The following ANKRD22 variants were observed in gnomAD, a reference collection of about 807,000 sequenced individuals.
The protein encoded by ANKRD22 is ankyrin repeat domain-containing protein 22.
Under a neutral mutation model 25.7 loss-of-function variants are expected in ANKRD22, and 24 were observed. That is an observed-to-expected ratio of 0.93 (90% confidence interval 0.68 to 1.31). The LOEUF is 1.31. ANKRD22 is among the 50% of genes most tolerant of loss of function. The pLI is 0.00. For synonymous variants in ANKRD22, 84 were observed against 84.3 expected (o/e 1.00, Z 0.02); for missense variants, 214 against 227.1 (o/e 0.94, Z 0.37).
chr10:88,835,892 A>G (rs1177618626), intron 1 of ANKRD22, among the ~76,000 whole-genome samples: 1 of 152,198 alleles, frequency 6.6e-6, no homozygotes, highest in East Asian at 1.9e-4. Flanking sequence ...GGTATGAAAA[A>G]GAGAAGAGGT....
intron 4 of ANKRD22, among the ~76,000 whole-genome samples, chr10:88,824,856 ATC>A (rs1357850462): frequency 1.3e-5 from 2 of 152,208 alleles, no homozygotes; most frequent in Non-Finnish European, 2.9e-5. Context: ...ATCTTTAATA[ATC>A]TCTTACTTAA....
rs536457790 is a variant in ANKRD22, at chr10:88,825,950, A to G, written c.399+88T>C. 6 of 1,132,266 alleles carry G rather than the reference A, an allele frequency of 5.3e-6. No individual in the cohort carries two copies. In the East Asian group the frequency reaches 1.5e-4, roughly 28 times the overall value. 70.1% of individuals were successfully genotyped at this position (1,132,266 alleles called of 1,614,324 possible). A position where few individuals can be genotyped will look rare whatever the true frequency, so the allele number is the denominator to read the frequency against. On this transcript the variant is annotated intron_variant, in intron 4 of 5. Transcript: ENST00000371930. ...AAACTAAATGTAAAATTGTCTAGGA[A>G]AATAAAGCAACTGTACAGATGACAA...
chr10:88,835,746 T>TGTGA (rs1843947982), intron 1 of ANKRD22, among the ~76,000 whole-genome samples: 2 of 152,184 alleles, frequency 1.3e-5, no homozygotes, highest in Admixed American at 1.3e-4. Context: ...TATAATTTAA[T>TGTGA]GTGAGAGTCG....
chr10:88,844,602 T>G (rs1844031490), intron 1 of ANKRD22, among the ~76,000 whole-genome samples: 1 of 152,088 alleles, frequency 6.6e-6, no homozygotes, highest in Non-Finnish European at 1.5e-5. Context: ...CATTACAGAT[T>G]TTTAATTAAA....
intron 1 of ANKRD22, among the ~76,000 whole-genome samples, chr10:88,836,393 ACAGTTATTGAGTAGCT>A (rs1181215411): frequency 1.3e-5 from 2 of 152,198 alleles, no homozygotes; most frequent in African/African-American, 4.8e-5. Context: ...AGATGAGCTA[ACAGTTATTGAGTAGCT>A]CAGTTATTCT....
intron 1 of ANKRD22, among the ~76,000 whole-genome samples, chr10:88,839,880 C>T (rs985016477): frequency 3.3e-5 from 5 of 152,110 alleles, no homozygotes; most frequent in Non-Finnish European, 5.9e-5. Flanking sequence ...GTTTAAAACA[C>T]GACCCAGGCC....
chr10:88,823,510 T>C, intron 4 of ANKRD22, 132 bp from the exon 5 acceptor site: 1 of 711,994 alleles, frequency 1.4e-6, no homozygotes, highest in East Asian at 2.6e-5. Flanking sequence ...TGCAAACCAT[T>C]GATAGACAAC....
Position 88,835,185 on chromosome 10 carries a change from A to C in ANKRD22, c.22-3159T>G, listed in dbSNP as rs557691816. 2.4e-3 allele frequency among the ~76,000 whole-genome samples: 361 copies of C among 152,266 alleles called. 1 individual carries two copies. The highest frequency in any genetic ancestry group is 8.3e-3 in the African/African-American group (343 of 41,546). On this transcript the variant is annotated intron_variant, in intron 1 of 5. Transcript: ENST00000371930. ...GCTAACTAAAAAGAAGAAGAGGAAAAGATGGGGAGTTGTTCTGCAAGAGTC... is the reference window on the plus strand; with the variant it reads ...GCTAACTAAAAAGAAGAAGAGGAAACGATGGGGAGTTGTTCTGCAAGAGTC...
chr10:88,820,132 C>T lies in ANKRD22; in HGVS notation c.*2809G>A. ...GGCTCTAACACCCATGTACCCTTCA[C>T]CACAACAGATGGCATGTTTATTATG... On this transcript the variant is annotated 3_prime_UTR_variant, in exon 6 of 6. Transcript: ENST00000371930. 9.9e-7 allele frequency: 1 copy of T among 1,006,678 alleles called. No individual in the cohort carries two copies. The highest frequency in any genetic ancestry group is 2.7e-4 in the Middle Eastern group (1 of 3,682). 62.4% of individuals were successfully genotyped at this position (1,006,678 alleles called of 1,614,324 possible). A position where few individuals can be genotyped will look rare whatever the true frequency, so the allele number is the denominator to read the frequency against.
Position 88,851,624 on chromosome 10 carries a change from C to G in ANKRD22, c.-17G>C, listed in dbSNP as rs369226743. The G allele has an allele frequency of 2.5e-6, 4 of 1,613,116 alleles. No homozygotes were observed. The highest frequency in any genetic ancestry group is 1.7e-4 in the Middle Eastern group (1 of 6,054). ...GATTCCCATGCTGGTCCTTCACAGGCTTACTTCACCTCTACAGCTCCTTGA... is the reference window on the plus strand; with the variant it reads ...GATTCCCATGCTGGTCCTTCACAGGGTTACTTCACCTCTACAGCTCCTTGA... On this transcript the variant is annotated 5_prime_UTR_variant, in exon 1 of 6. Transcript: ENST00000371930.
intron 1 of ANKRD22, among the ~76,000 whole-genome samples, chr10:88,842,789 T>G (rs1844014224): frequency 6.6e-6 from 1 of 152,098 alleles, no homozygotes; most frequent in South Asian, 2.1e-4. Flanking sequence ...GGAAAAATAA[T>G]GACAGGAAAA....
At position 88,823,382 on chromosome 10, in the gene ANKRD22, A is replaced by C; in HGVS notation, c.400-4T>G. ...AATGTAATGCGGTACAGCCATACTG[A>C]AACACAAAGGGCCAAAACTTCAGCT... On this transcript the variant is annotated splice_region_variant and splice_polypyrimidine_tract_variant and intron_variant, in intron 4 of 5. Coordinates refer to ENST00000371930, the MANE Select transcript of ANKRD22 (RefSeq NM_144590.3). The C allele has an allele frequency of 1.2e-6, 2 of 1,612,286 alleles. No homozygotes were observed. The highest frequency in any genetic ancestry group is 1.7e-6 in the Non-Finnish European group (2 of 1,178,320).
At position 88,822,837 on chromosome 10, in the gene ANKRD22, A is replaced by G; in HGVS notation, c.*104T>C. 6 of 951,636 alleles carry G rather than the reference A, an allele frequency of 6.3e-6. No homozygotes were observed. In the Middle Eastern group the frequency reaches 1.7e-3, roughly 274 times the overall value. 58.9% of individuals were successfully genotyped at this position (951,636 alleles called of 1,614,324 possible). A position where few individuals can be genotyped will look rare whatever the true frequency, so the allele number is the denominator to read the frequency against. ...ATGGTAAGCATCATTATCCCCATAAAATGGTGGCATCCAGGTTAAATGGCC... is the reference window on the plus strand; with the variant it reads ...ATGGTAAGCATCATTATCCCCATAAGATGGTGGCATCCAGGTTAAATGGCC... On this transcript the variant is annotated 3_prime_UTR_variant, in exon 6 of 6. Transcript: ENST00000371930.
intron 1 of ANKRD22, among the ~76,000 whole-genome samples, chr10:88,844,348 T>A (rs1218730042): frequency 6.6e-6 from 1 of 152,160 alleles, no homozygotes; most frequent in Admixed American, 6.6e-5. Flanking sequence ...TTATGTTTGA[T>A]GGGAAATGTT....
intron 1 of ANKRD22, among the ~76,000 whole-genome samples, chr10:88,845,364 C>T (rs1041270198): frequency 6.6e-6 from 1 of 152,124 alleles, no homozygotes; most frequent in Non-Finnish European, 1.5e-5. Flanking sequence ...CTAAACTCAT[C>T]CCTTCTCTTG....
intron 1 of ANKRD22, among the ~76,000 whole-genome samples, chr10:88,849,401 C>G (rs1437219887): frequency 1.3e-5 from 2 of 152,116 alleles, no homozygotes; most frequent in African/African-American, 2.4e-5. Context: ...GACCAATTCT[C>G]TTATGGAGCA....
intron 1 of ANKRD22, among the ~76,000 whole-genome samples, chr10:88,849,363 A>T (rs1451699348): frequency 1.3e-5 from 2 of 152,150 alleles, no homozygotes; most frequent in African/African-American, 4.8e-5. Context: ...TCCTGGTTAG[A>T]ACAGTGGCAG....
At position 88,823,353 on chromosome 10, in the gene ANKRD22, G is replaced by A. The variant is rs1229921267; in HGVS notation, c.425C>T (p.Ala142Val). Residue 142 changes from alanine (A) to valine (V), a missense_variant, in exon 5 of 6, where the codon GCC becomes GTC. Transcript: ENST00000371930. ...AAGAGACTGGTTTTTCATTTCACAG[G>A]CATAATGTAATGCGGTACAGCCATA... ...DCYGCTALHY[A>V]CEMKNQSLIP... The A allele has an allele frequency of 6.2e-7, 1 of 1,613,962 alleles. No individual in the cohort carries two copies. Among genetic ancestry groups the A allele is most frequent in the Non-Finnish European group, 8.5e-7 (1 of 1,179,906 alleles).
chr10:88,850,866 T>G (rs1485953429), intron 1 of ANKRD22, among the ~76,000 whole-genome samples: 1 of 152,050 alleles, frequency 6.6e-6, no homozygotes, highest in Non-Finnish European at 1.5e-5. Flanking sequence ...GCATCTGCAA[T>G]GAAATGCAGA....
Sources: gnomAD v4.1 joint callset for allele counts (sites outside exome capture counted in the v4.1 genomes callset) on GRCh38, gnomAD v4.1.1 for gene constraint, MANE v1.5 for transcripts, NCBI Gene and HGNC (gene_info 2026-07-23, HGNC 2026-07-21) for gene names.